Variants in LHFPL2 observed in about 807,000 individuals in gnomAD.
LHFPL2 encodes the protein LHFPL tetraspan subfamily member 2 protein.
In LHFPL2, 7 loss-of-function variants were observed where a neutral mutation model predicts 17.5. That is an observed-to-expected ratio of 0.40 (90% CI 0.23 to 0.75). The LOEUF is 0.75. Among genes scored for constraint, LHFPL2 ranks in the 30% least tolerant of loss-of-function variants. LHFPL2 has a pLI of 0.37. For missense variants in LHFPL2, 241 were observed against 294.8 expected, an observed-to-expected ratio of 0.82 and a Z score of 1.34; for synonymous variants, 134 against 116.2, an observed-to-expected ratio of 1.15 and a Z score of -0.99.
intron 2 of LHFPL2, among the ~76,000 whole-genome samples, chr5:78,605,616 A>C (rs965356894): frequency 1.3e-5 from 2 of 152,222 alleles, no homozygotes; most frequent in African/African-American, 4.8e-5. Context: ...AATCAAAGAT[A>C]AGGCAGTACC....
rs115173274 is a variant in LHFPL2 at position 78,634,210 on chromosome 5, G to T, written c.-349-1842C>A. On this transcript the variant is annotated intron_variant, in intron 1 of 4. Coordinates refer to ENST00000380345, the MANE Select transcript of LHFPL2 (RefSeq NM_005779.3). Reference sequence around the variant, plus strand: ...CTTGCTTTCTTTACAAAAGGGGTTAGGGGGCGGTGGGGAGGCCAAAGCATC... The same window carrying T: ...CTTGCTTTCTTTACAAAAGGGGTTATGGGGCGGTGGGGAGGCCAAAGCATC... Among the ~76,000 whole-genome samples, 958 of 152,320 alleles carry T rather than the reference G, an allele frequency of 6.3e-3. 11 individuals are homozygous for T. Among genetic ancestry groups the T allele is most frequent in the African/African-American group, 0.022 (898 of 41,566 alleles).
chr5:78,576,294 C>CA (rs746590895), intron 2 of LHFPL2, among the ~76,000 whole-genome samples: 1,303 of 92,952 alleles, frequency 0.014, 25 homozygotes, highest in African/African-American at 0.041. Context: ...GACTCCATCT[C>CA]AAAAAAAAAA....
intron 2 of LHFPL2, among the ~76,000 whole-genome samples, chr5:78,627,307 G>A (rs559703492): frequency 2.6e-5 from 4 of 152,096 alleles, no homozygotes. Flanking sequence ...ACTGCCTAGG[G>A]CTGTGTCAGA....
intron 4 of LHFPL2, among the ~76,000 whole-genome samples, chr5:78,493,726 T>G (rs1389195712): frequency 6.6e-6 from 1 of 152,226 alleles, no homozygotes; most frequent in Non-Finnish European, 1.5e-5. Context: ...GATTGATGTA[T>G]CCTGTTCTAG....
chr5:78,503,549 T>G (rs767287762), intron 4 of LHFPL2, among the ~76,000 whole-genome samples: 24 of 152,146 alleles, frequency 1.6e-4, no homozygotes, highest in Non-Finnish European at 3.5e-4. Context: ...ATACCAAAAA[T>G]TAGCCAGGCA....
intron 4 of LHFPL2, among the ~76,000 whole-genome samples, chr5:78,502,788 T>A (rs1338720742): frequency 6.6e-6 from 1 of 152,310 alleles, no homozygotes; most frequent in Admixed American, 6.5e-5. Context: ...GTTAAATAAT[T>A]CCTACTACAG....
At chr5:78,627,402 A>G (rs1178732233) in intron 2 of LHFPL2, among the ~76,000 whole-genome samples, 1 of 152,140 alleles carries the variant, frequency 6.6e-6, no homozygotes, top group East Asian at 1.9e-4. Flanking sequence ...CCCTCCCCAC[A>G]GAAAGAAACC....
rs190128725 is a variant in LHFPL2 at position 78,527,789 on chromosome 5, C to G, written c.-185-17391G>C. On this transcript the variant is annotated intron_variant, in intron 3 of 4. Coordinates refer to ENST00000380345, the MANE Select transcript of LHFPL2 (RefSeq NM_005779.3). ...ATCATTCAGCTGGGAAAATTAGCTACCCATCTTGGTCCCCACCCTACCCCA... is the reference window on the plus strand; with the variant it reads ...ATCATTCAGCTGGGAAAATTAGCTAGCCATCTTGGTCCCCACCCTACCCCA... Among the ~76,000 whole-genome samples, 6 of 152,290 alleles carry G rather than the reference C, an allele frequency of 3.9e-5. No homozygotes were observed. In the East Asian group the frequency reaches 9.6e-4, roughly 24 times the overall value.
intron 3 of LHFPL2, among the ~76,000 whole-genome samples, chr5:78,525,246 T>A (rs1755583770): frequency 6.6e-6 from 1 of 152,222 alleles, no homozygotes; most frequent in South Asian, 2.1e-4. Flanking sequence ...TAGGACACAC[T>A]GGCAGAATAA....
At chr5:78,637,294 T>C (rs1020309305) in intron 1 of LHFPL2, among the ~76,000 whole-genome samples, 1 of 151,272 alleles carries the variant, frequency 6.6e-6, no homozygotes, top group African/African-American at 2.4e-5. Flanking sequence ...TGTGGGAAAA[T>C]GCAGGTTTAA....
At chr5:78,553,999 C>G (rs993924662) in intron 3 of LHFPL2, among the ~76,000 whole-genome samples, 3 of 152,200 alleles carry the variant, frequency 2.0e-5, no homozygotes, top group African/African-American at 7.2e-5. Flanking sequence ...CCCTGCGTTC[C>G]CCATTTCAGG....
At chr5:78,600,452 T>C (rs1743972558) in intron 2 of LHFPL2, among the ~76,000 whole-genome samples, 1 of 152,080 alleles carries the variant, frequency 6.6e-6, no homozygotes, top group Non-Finnish European at 1.5e-5. Context: ...CAAGAGGCCA[T>C]GTGCAGTGGC....
intron 2 of LHFPL2, chr5:78,590,122 T>C (rs1430924717): frequency 6.6e-6 from 1 of 152,188 alleles, no homozygotes; most frequent in African/African-American, 2.4e-5. Context: ...ACCCACACTT[T>C]CACACACATG....
chr5:78,546,876 CTGTT>C (rs1030124634), intron 3 of LHFPL2, among the ~76,000 whole-genome samples: 12 of 152,202 alleles, frequency 7.9e-5, no homozygotes, highest in Admixed American at 3.3e-4. Context: ...AGGTTTCTCT[CTGTT>C]TGTTTTTATT....
rs79289501 is a variant in LHFPL2, at chr5:78,639,433, A to C, written c.-349-7065T>G. The stretch of plus-strand genomic sequence containing the variant: ...TTCAGATCAAAAATGACTTACAGTC[A>C]CCAGTTTAAGCCGGCACACTATGCT... On this transcript the variant is annotated intron_variant, in intron 1 of 4. Coordinates refer to ENST00000380345, the MANE Select transcript of LHFPL2 (RefSeq NM_005779.3). Among the ~76,000 whole-genome samples, 735 of 152,346 alleles carry C rather than the reference A, an allele frequency of 4.8e-3. 11 individuals are homozygous for C. The highest frequency in any genetic ancestry group is 0.016 in the African/African-American group (685 of 41,576).
At chr5:78,561,706 A>G (rs926936579) in intron 3 of LHFPL2, among the ~76,000 whole-genome samples, 4 of 152,312 alleles carry the variant, frequency 2.6e-5, no homozygotes, top group African/African-American at 9.6e-5. Context: ...ACTGAGATTC[A>G]TTAGGTGCTA....
chr5:78,625,105 G>A (rs1304995343), intron 2 of LHFPL2: 3 of 152,226 alleles, frequency 2.0e-5, no homozygotes, highest in Non-Finnish European at 1.5e-5. Context: ...TCCAAATGGA[G>A]TTGGACAGTG....
Position 78,486,412 on chromosome 5 carries a change from A to C in LHFPL2, c.*2485T>G, listed in dbSNP as rs1326431826. 1 of 152,236 alleles carries C rather than the reference A, an allele frequency of 6.6e-6. No homozygotes were observed. Among genetic ancestry groups the C allele is most frequent in the Admixed American group, 6.5e-5 (1 of 15,276 alleles). 9.4% of individuals were successfully genotyped at this position (152,236 alleles called of 1,614,324 possible). ...TTTATTAGAAAAATAAGTGTGAGCC[A>C]ACAATCTATTTTTAACATTTCTTTC... On this transcript the variant is annotated 3_prime_UTR_variant, in exon 5 of 5. Coordinates refer to ENST00000380345, the MANE Select transcript of LHFPL2 (RefSeq NM_005779.3).
At position 78,509,967 on chromosome 5, in the gene LHFPL2, C is replaced by T. The variant is rs1430456804; in HGVS notation, c.247G>A (p.Gly83Arg). Residue 83 changes from glycine to arginine, a missense_variant, in exon 4 of 5, where the codon GGG becomes AGG. Physicochemically the swap from Gly to Arg is moderately radical, Grantham distance 125. Transcript: ENST00000380345. ...TCGCCGAAGCTCTCGGCGTAGGGCC[C>T]GCACAGCGTGTCCCGCTGGAAGTGC... is the stretch of plus-strand genomic sequence containing the variant. ...VQHFQRDTLC[G>R]PYAESFGEIA... The T allele has an allele frequency of 1.2e-6, 2 of 1,613,864 alleles. No individual in the cohort carries two copies. The highest frequency in any genetic ancestry group is 1.7e-6 in the Non-Finnish European group (2 of 1,179,984).
Sources: allele counts gnomAD v4.1 joint callset (sites outside exome capture counted in the v4.1 genomes callset), GRCh38; gene constraint gnomAD v4.1.1; transcripts MANE v1.5; gene names NCBI Gene and HGNC (gene_info 2026-07-23, HGNC 2026-07-21).